Variants in LGR5 observed in about 807,000 individuals in gnomAD.
LGR5 encodes leucine-rich repeat-containing G protein-coupled receptor 5.
A neutral mutation model predicts 76.7 loss-of-function variants in LGR5; 54 were observed. That is an observed-to-expected ratio of 0.70 (90% CI 0.57 to 0.88). The LOEUF is 0.88. LGR5 is among the 40% of genes least tolerant of loss of function. The pLI is 0.00. For synonymous variants in LGR5, 406 were observed against 421.9 expected (o/e 0.96, Z 0.46); for missense variants, 1,078 against 1,073.3 (o/e 1.00, Z -0.06).
intron 1 of LGR5, among the ~76,000 whole-genome samples, chr12:71,454,826 A>G (rs1456694944): frequency 6.6e-6 from 1 of 150,472 alleles, no homozygotes; most frequent in Non-Finnish European, 1.5e-5. Flanking sequence ...ATCTCTGCAT[A>G]TACACAAAAG....
chr12:71,573,129 G>T, intron 13 of LGR5: 1 of 422,328 alleles, frequency 2.4e-6, no homozygotes, highest in Non-Finnish European at 4.2e-6. Flanking sequence ...CTACCAGTCA[G>T]CAGGCAGGAA....
At chr12:71,504,530 G>A in intron 1 of LGR5, 84 bp from the exon 2 acceptor site, 1 of 1,031,364 alleles carries the variant, frequency 9.7e-7, no homozygotes. Flanking sequence ...TTACTGTATT[G>A]TTTGGAAATG....
At chr12:71,482,400 C>G (rs536330978) in intron 1 of LGR5, among the ~76,000 whole-genome samples, 3 of 152,232 alleles carry the variant, frequency 2.0e-5, no homozygotes, top group African/African-American at 7.2e-5. Flanking sequence ...GTAGATGGCT[C>G]TCTTCTCTTT....
chr12:71,508,062 CAAAAAAA>C (rs61662758), intron 2 of LGR5, among the ~76,000 whole-genome samples: 4 of 114,914 alleles, frequency 3.5e-5, no homozygotes, highest in African/African-American at 1.3e-4. Flanking sequence ...TACTAAAATA[CAAAAAAA>C]AAAAAAAAAA....
chr12:71,500,132 T>A (rs1355576643), intron 1 of LGR5, among the ~76,000 whole-genome samples: 1 of 151,970 alleles, frequency 6.6e-6, no homozygotes, highest in Admixed American at 6.6e-5. Context: ...CCTGACCACA[T>A]TAATGCTCAG....
intron 1 of LGR5, among the ~76,000 whole-genome samples, chr12:71,497,023 A>C (rs1327789212): frequency 1.3e-5 from 2 of 151,994 alleles, no homozygotes; most frequent in African/African-American, 4.8e-5. Context: ...ATATTGTGAA[A>C]ATTCATCAGG....
At chr12:71,541,507 T>C (rs1313053919) in intron 4 of LGR5, among the ~76,000 whole-genome samples, 1 of 152,238 alleles carries the variant, frequency 6.6e-6, no homozygotes, top group Non-Finnish European at 1.5e-5. Context: ...TGAGGCACAG[T>C]CTTTCTGCCT....
chr12:71,584,148 T>G lies in LGR5; in HGVS notation c.2138T>G (p.Leu713Arg). 6.2e-7 allele frequency: 1 copy of G among 1,614,236 alleles called. No individual in the cohort carries two copies. Among genetic ancestry groups the G allele is most frequent in the East Asian group, 2.2e-5 (1 of 44,886 alleles). ...AAGTATGGCGCCTCCCCTCTCTGCC[T>G]GCCTTTGCCTTTTGGGGAGCCCAGC... ...GSKYGASPLC[L>R]PLPFGEPSTM... The change falls in exon 18 of 18, where the codon CTG (leucine) becomes CGG (arginine). Residue 713 changes from leucine (L) to arginine (R), a missense_variant. By Grantham distance (102) the Leu-to-Arg change is moderately radical. Transcript: ENST00000266674.
At chr12:71,545,001 G>A (rs1020336335) in intron 4 of LGR5, among the ~76,000 whole-genome samples, 4 of 151,982 alleles carry the variant, frequency 2.6e-5, no homozygotes, top group African/African-American at 7.3e-5. Context: ...GCCAGGAGCC[G>A]TGGCTCACAC....
At chr12:71,566,015 T>G (rs560740696) in intron 8 of LGR5, among the ~76,000 whole-genome samples, 1 of 152,272 alleles carries the variant, frequency 6.6e-6, no homozygotes, top group East Asian at 1.9e-4. Flanking sequence ...TATCGATAGA[T>G]AGACTTCGTC....
In LGR5 at chr12:71,440,144, G is replaced by A; in HGVS notation, c.64G>A (p.Gly22Ser). The A allele has an allele frequency of 6.2e-7, 1 of 1,610,144 alleles. No homozygotes were observed. The highest frequency in any genetic ancestry group is 1.1e-5 in the South Asian group (1 of 90,932). Residue 22 changes from glycine to serine, a missense_variant, in exon 1 of 18, where the codon GGC (glycine) becomes AGC (serine). Gly to Ser is a moderately conservative substitution (Grantham distance 56). Coordinates refer to ENST00000266674, the MANE Select transcript of LGR5 (RefSeq NM_003667.4). The surrounding 1 kb of genome is among the most constrained non-coding windows in gnomAD (Gnocchi z 5.3). ...LPVLLQLATG[G>S]SSPRSGVLLR... ...TGTGCTGCTGCAGCTGGCGACCGGG[G>A]GCAGCTCTCCCAGGTCTGGTGTGTT...
intron 16 of LGR5, among the ~76,000 whole-genome samples, chr12:71,580,626 A>G (rs888172878): frequency 6.6e-6 from 1 of 152,020 alleles, no homozygotes; most frequent in Admixed American, 6.6e-5. Context: ...TGAAACCCCT[A>G]TCTCTGCTAA....
chr12:71,517,180 G>A (rs534438117), intron 2 of LGR5, among the ~76,000 whole-genome samples: 1 of 152,128 alleles, frequency 6.6e-6, no homozygotes, highest in Admixed American at 6.5e-5. Context: ...ATGCATTTCG[G>A]TTTCAAAAGT....
At chr12:71,480,784 A>C (rs1003186852) in intron 1 of LGR5, among the ~76,000 whole-genome samples, 8 of 152,182 alleles carry the variant, frequency 5.3e-5, no homozygotes, top group Admixed American at 1.3e-4. Context: ...TGCTGCACTA[A>C]GGGCATTTGC....
At chr12:71,576,225 G>A (rs1462524232) in intron 13 of LGR5, among the ~76,000 whole-genome samples, 2 of 152,198 alleles carry the variant, frequency 1.3e-5, no homozygotes, top group African/African-American at 4.8e-5. Flanking sequence ...TGTCCTGCAC[G>A]TGTATCCTGG....
At chr12:71,533,399 G>A (rs1876427940) in intron 3 of LGR5, among the ~76,000 whole-genome samples, 1 of 152,134 alleles carries the variant, frequency 6.6e-6, no homozygotes, top group South Asian at 2.1e-4. Flanking sequence ...AGCACAGCAT[G>A]GGGTAGTTCT....
intron 6 of LGR5, among the ~76,000 whole-genome samples, chr12:71,557,014 G>C (rs1429658120): frequency 2.0e-5 from 3 of 152,150 alleles, no homozygotes; most frequent in African/African-American, 7.2e-5. Flanking sequence ...CATGAGTCTG[G>C]TACTCCCTGC....
chr12:71,448,084 A>ACACACACACACACACACACACAC (rs1872091735), intron 1 of LGR5, among the ~76,000 whole-genome samples: 1 of 145,584 alleles, frequency 6.9e-6, no homozygotes, highest in African/African-American at 2.5e-5. Flanking sequence ...CACACACACA[A>ACACACACACACACACACACACAC]ACACACACAC....
At chr12:71,501,723 G>A (rs1209247071) in intron 1 of LGR5, among the ~76,000 whole-genome samples, 1 of 152,034 alleles carries the variant, frequency 6.6e-6, no homozygotes. Context: ...CTTGTATTTT[G>A]TATATCTTTG....
Sources: gnomAD v4.1 joint callset for allele counts (sites outside exome capture counted in the v4.1 genomes callset) on GRCh38, gnomAD v4.1.1 for gene constraint, Gnocchi (gnomAD v3.1) non-coding constraint, MANE v1.5 for transcripts, NCBI Gene and HGNC (gene_info 2026-07-23, HGNC 2026-07-21) for gene names.